Variants in MTERF4 observed in about 807,000 individuals in gnomAD.
MTERF4 encodes the protein transcription termination factor 4, mitochondrial.
Under a neutral mutation model 22.5 loss-of-function variants are expected in MTERF4, and 17 were observed. That is an observed-to-expected ratio of 0.75 (90% CI 0.52 to 1.13). The LOEUF (loss-of-function observed/expected upper bound fraction) is 1.13, where lower values mean the gene tolerates loss of function less well. MTERF4 is among the 50% of genes most tolerant of loss of function. MTERF4 has a pLI of 0.00. For synonymous variants in MTERF4, 165 were observed against 175.3 expected (o/e 0.94, Z 0.47); for missense variants, 420 against 466.8 (o/e 0.90, Z 0.92).
At chr2:241,085,192 A>T (rs1296058911), downstream of MTERF4, among the ~76,000 whole-genome samples, 1 of 152,036 alleles carries the variant, frequency 6.6e-6, no homozygotes, top group Non-Finnish European at 1.5e-5. Flanking sequence ...ATTTCTTCAT[A>T]TATTTTTCCT....
chr2:241,073,228 G>C lies in MTERF4; in HGVS notation n.2934C>G. 2 of 1,481,950 alleles carry C rather than the reference G, an allele frequency of 1.3e-6. No individual in the cohort carries two copies. Among genetic ancestry groups the C allele is most frequent in the South Asian group, 2.4e-5 (2 of 82,720 alleles). The allele number at this position is 1,481,950 out of a possible 1,614,324, so 91.8% of individuals were successfully genotyped here. A position where few individuals can be genotyped will look rare whatever the true frequency, so the allele number is the denominator to read the frequency against. ...GCCCCAGGACCATCCCGGGTGCAAA[G>C]CAGCTGCGCCGTGTGGTCACCGCCT... On this transcript the variant is annotated non_coding_transcript_exon_variant, in exon 5 of 5. Transcript: ENST00000464344. The surrounding 1 kb of genome is among the most constrained non-coding windows in gnomAD (Gnocchi z 6.6).
downstream of MTERF4, chr2:241,069,023 C>T (rs763128196): frequency 3.9e-6 from 6 of 1,547,708 alleles, no homozygotes; most frequent in Admixed American, 3.9e-5. The surrounding 1 kb of genome is among the most constrained non-coding windows in gnomAD (Gnocchi z 4.9). Flanking sequence ...CGTGTGGACC[C>T]GTGAGTAGAG....
intron 4 of MTERF4, chr2:241,081,580 C>T (rs2063331252): frequency 1.2e-6 from 1 of 837,076 alleles, no homozygotes; most frequent in Non-Finnish European, 1.9e-6. Flanking sequence ...GCACGGCCAC[C>T]CTGCATCAGG....
chr2:241,064,837 C>T, the MTERF4 span: 3 of 1,575,472 alleles, frequency 1.9e-6, no homozygotes, highest in Non-Finnish European at 2.6e-6. This position sits in a 1 kb window ranked among gnomAD's most constrained non-coding sequence, Gnocchi z 7.0. Flanking sequence ...ACTTTTTCTC[C>T]CCTCAGTGAG....
At chr2:241,069,971 C>T (rs750170874), downstream of MTERF4, 12 of 1,612,890 alleles carry the variant, frequency 7.4e-6, no homozygotes, top group Non-Finnish European at 9.3e-6. This position sits in a 1 kb window ranked among gnomAD's most constrained non-coding sequence, Gnocchi z 4.9. Flanking sequence ...GCCACCTCTG[C>T]CCACGTGGTC....
chr2:241,062,979 G>A, the MTERF4 span: 14 of 950,734 alleles, frequency 1.5e-5, no homozygotes, highest in Admixed American at 5.4e-5. Flanking sequence ...TGGGTCCCCC[G>A]GACAGGTCTC....
the MTERF4 span, among the ~76,000 whole-genome samples, chr2:241,054,161 T>C: frequency 6.6e-6 from 1 of 152,150 alleles, no homozygotes; most frequent in African/African-American, 2.4e-5. Context: ...CTGACTGTCT[T>C]GGAGATGACC....
the MTERF4 span, chr2:241,048,774 C>T: frequency 1.9e-6 from 3 of 1,590,796 alleles, no homozygotes; most frequent in Non-Finnish European, 2.6e-6. Context: ...TTGGTAGGTG[C>T]CCAGGTCACC....
the MTERF4 span, chr2:241,053,263 G>C: frequency 6.2e-7 from 1 of 1,602,166 alleles, no homozygotes. Context: ...CAGCCTGAGC[G>C]CCCCCAGCCG....
chr2:241,063,357 G>A, the MTERF4 span: 1,435 of 572,568 alleles, frequency 2.5e-3, 17 homozygotes, highest in African/African-American at 0.022. Flanking sequence ...GGAGTGGCCT[G>A]GAGGAAGGCA....
At chr2:241,053,325 TG>T in the MTERF4 span, 1 of 1,566,368 alleles carries the variant, frequency 6.4e-7, no homozygotes, top group Non-Finnish European at 8.7e-7. Flanking sequence ...CCCAGTGCCT[TG>T]GTGATTCTGT....
At chr2:241,088,891 G>C (rs976118470), downstream of MTERF4, 8 of 199,744 alleles carry the variant, frequency 4.0e-5, no homozygotes, top group African/African-American at 1.6e-4. Context: ...AACTAAAAGT[G>C]GGGCAGGGGC....
At chr2:241,068,177 A>G (rs140240269), downstream of MTERF4, among the ~76,000 whole-genome samples, 1 of 152,152 alleles carries the variant, frequency 6.6e-6, no homozygotes, top group Non-Finnish European at 1.5e-5. This position sits in a 1 kb window ranked among gnomAD's most constrained non-coding sequence, Gnocchi z 5.3. Flanking sequence ...GTAGTGTTTT[A>G]AAGTGTCCAA....
the MTERF4 span, among the ~76,000 whole-genome samples, chr2:241,048,003 A>G: frequency 1.6e-4 from 22 of 136,766 alleles, no homozygotes; most frequent in African/African-American, 6.1e-4. Context: ...GTTCTGTCCA[A>G]TCCTGGGTGG....
chr2:241,058,874 T>C, the MTERF4 span, among the ~76,000 whole-genome samples: 1 of 151,746 alleles, frequency 6.6e-6, no homozygotes, highest in East Asian at 1.9e-4. Flanking sequence ...GGTGTGAACC[T>C]GGGAGGCGGA....
chr2:241,052,695 G>T, the MTERF4 span, among the ~76,000 whole-genome samples: 2 of 66,168 alleles, frequency 3.0e-5, no homozygotes, highest in Non-Finnish European at 5.8e-5. Context: ...GTCGGCGGGG[G>T]GGGGGGGGGT....
At chr2:241,051,781 C>T in the MTERF4 span, 7,248 of 1,551,666 alleles carry the variant, frequency 4.7e-3, 29 homozygotes, top group Middle Eastern at 6.9e-3. This position sits in a 1 kb window ranked among gnomAD's most constrained non-coding sequence, Gnocchi z 4.7. Context: ...CCTGCCGGAA[C>T]GGGGGCACGT....
chr2:241,063,154 G>A, the MTERF4 span, among the ~76,000 whole-genome samples: 201 of 152,366 alleles, frequency 1.3e-3, 1 homozygote, highest in African/African-American at 4.6e-3. Context: ...GAAGGTGGGC[G>A]TCGGAGAGGG....
chr2:241,047,681 A>G, the MTERF4 span, among the ~76,000 whole-genome samples: 2 of 152,266 alleles, frequency 1.3e-5, no homozygotes, highest in Non-Finnish European at 2.9e-5. Context: ...CTGACCAGAA[A>G]CGTTTGGAGG....
Sources: allele counts gnomAD v4.1 joint callset (sites outside exome capture counted in the v4.1 genomes callset), GRCh38; gene constraint gnomAD v4.1.1; non-coding constraint Gnocchi (gnomAD v3.1); transcripts MANE v1.5; gene names NCBI Gene and HGNC (gene_info 2026-07-23, HGNC 2026-07-21).